The following LAMB4 variants were observed in gnomAD, a reference collection of about 807,000 sequenced individuals.
LAMB4 encodes laminin subunit beta-4.
A neutral mutation model predicts 199.2 loss-of-function variants in LAMB4; 196 were observed. That is an observed-to-expected ratio of 0.98 (90% CI 0.88 to 1.11). LAMB4 has a LOEUF of 1.11. Ranked by LOEUF, LAMB4 falls within the 50% of genes least tolerant of loss-of-function variation. The probability of loss-of-function intolerance (pLI) is 0.00; values close to 1 mark genes in which losing one functional copy is unlikely to be tolerated. For missense variants in LAMB4, 2,080 were observed against 2,171.2 expected, an observed-to-expected ratio of 0.96 and a Z score of 0.83; for synonymous variants, 744 against 770.6, an observed-to-expected ratio of 0.97 and a Z score of 0.57.
chr7:108,073,662 G>A (rs866361814), intron 17 of LAMB4, among the ~76,000 whole-genome samples: 1 of 152,182 alleles, frequency 6.6e-6, no homozygotes. Context: ...AAAGGGCTGC[G>A]TCCCAAGCAG....
chr7:108,055,741 C>G lies in LAMB4; in HGVS notation c.3646G>C (p.Asp1216His). 6.2e-7 allele frequency: 1 copy of G among 1,614,210 alleles called. No homozygotes were observed. Among genetic ancestry groups the G allele is most frequent in the East Asian group, 2.2e-5 (1 of 44,890 alleles). Residue 1216 changes from aspartate to histidine, a missense_variant, in exon 25 of 34, where the codon GAC becomes CAC. Asp to His is a moderately conservative substitution (Grantham distance 81). Coordinates refer to ENST00000388781, the MANE Select transcript of LAMB4 (RefSeq NM_007356.3). ...ACGTTCCCTCTGAGGTCTTTGAAGT[C>G]TGCCTCACAGACAGGCAGGGTCTCT... ...KRETLPVCEADFKDLRGNVSE... is the reference protein window; with the variant it reads ...KRETLPVCEAHFKDLRGNVSE...
chr7:108,100,405 A>T (rs1377040999), intron 10 of LAMB4, among the ~76,000 whole-genome samples: 1 of 152,226 alleles, frequency 6.6e-6, no homozygotes, highest in Non-Finnish European at 1.5e-5. Flanking sequence ...ATTCTAATCA[A>T]TCTTCAAATA....
downstream of LAMB4, among the ~76,000 whole-genome samples, chr7:108,022,069 T>A (rs1353516207): frequency 1.3e-5 from 2 of 152,170 alleles, no homozygotes; most frequent in Admixed American, 1.3e-4. Context: ...GAGGACAGCA[T>A]TGGCCTCCTA....
intron 24 of LAMB4, among the ~76,000 whole-genome samples, chr7:108,056,881 G>T (rs915679983): frequency 1.3e-5 from 2 of 150,148 alleles, no homozygotes; most frequent in Non-Finnish European, 2.9e-5. Context: ...GAGGTGGGAG[G>T]ATCACCTGAG....
chr7:108,024,583 G>A (rs948201611), intron 33 of LAMB4, among the ~76,000 whole-genome samples: 2 of 152,104 alleles, frequency 1.3e-5, no homozygotes, highest in African/African-American at 4.8e-5. Context: ...TGACTTTCAT[G>A]TGTTGATTCC....
At chr7:108,104,349 A>T in intron 9 of LAMB4, 150 bp downstream of exon 9, 1 of 805,998 alleles carries the variant, frequency 1.2e-6, no homozygotes, top group South Asian at 2.0e-5. Flanking sequence ...ATGTGGGATA[A>T]TTGGGAACAC....
intron 2 of LAMB4, 119 bp downstream of exon 2, chr7:108,123,012 A>T: frequency 1.2e-6 from 1 of 813,676 alleles, no homozygotes; most frequent in Non-Finnish European, 1.9e-6. Flanking sequence ...ACAACAACAG[A>T]ATAGCTACAT....
intron 14 of LAMB4, among the ~76,000 whole-genome samples, chr7:108,080,977 C>T (rs756541504): frequency 6.6e-6 from 1 of 152,038 alleles, no homozygotes; most frequent in Non-Finnish European, 1.5e-5. Flanking sequence ...CAAAAATTAT[C>T]TGGGAGTGGT....
chr7:108,070,026 A>T (rs547476467), intron 17 of LAMB4, 141 bp from the exon 18 acceptor site: 1 of 462,912 alleles, frequency 2.2e-6, no homozygotes, highest in East Asian at 3.4e-5. Flanking sequence ...AAGACTGAAG[A>T]CTTTAAAGAT....
intron 19 of LAMB4, 79 bp downstream of exon 19, chr7:108,067,936 AC>A: frequency 1.9e-6 from 3 of 1,553,708 alleles, no homozygotes; most frequent in Non-Finnish European, 2.7e-6. Context: ...TCCCATTAAA[AC>A]CCCCCTCCAT....
At chr7:108,126,628 A>G (rs1476753699) in intron 1 of LAMB4, among the ~76,000 whole-genome samples, 3 of 118,458 alleles carry the variant, frequency 2.5e-5, no homozygotes, top group East Asian at 2.8e-4. Flanking sequence ...GCAGTGGCGC[A>G]ATCTCGGCTC....
At chr7:108,084,873 A>C (rs750643315) in intron 14 of LAMB4, among the ~76,000 whole-genome samples, 161 of 134,320 alleles carry the variant, frequency 1.2e-3, no homozygotes, top group Non-Finnish European at 2.2e-3. Flanking sequence ...CCTACTGAGT[A>C]GTTGGGACCA....
At chr7:108,016,068 T>C in the LAMB4 span, among the ~76,000 whole-genome samples, 1 of 152,134 alleles carries the variant, frequency 6.6e-6, no homozygotes, top group Non-Finnish European at 1.5e-5. Context: ...TGATGGTCCA[T>C]TTAATACAGC....
intron 24 of LAMB4, 95 bp downstream of exon 24, chr7:108,057,736 CA>C: frequency 6.7e-6 from 5 of 746,760 alleles, no homozygotes; most frequent in Non-Finnish European, 1.1e-5. Flanking sequence ...TTAAAAGCAC[CA>C]AAAAAAGAAA....
chr7:108,111,969 T>A lies in LAMB4; in HGVS notation c.193-23A>T, dbSNP rs1242068969. 4 of 1,576,178 alleles carry A rather than the reference T, an allele frequency of 2.5e-6. 1 individual carries two copies. The highest frequency in any genetic ancestry group is 2.4e-5 in the South Asian group (2 of 83,680). On this transcript the variant is annotated intron_variant, in intron 3 of 33. Coordinates refer to ENST00000388781, the MANE Select transcript of LAMB4 (RefSeq NM_007356.3). Reference sequence around the variant, plus strand: ...CCCCTGGAAAACACCATTATTAAAATTAAAAATAAAAATTGGAATTACATA... The same window carrying A: ...CCCCTGGAAAACACCATTATTAAAAATAAAAATAAAAATTGGAATTACATA...
chr7:108,043,545 G>GTTTTTTGTTTT (rs2035497909), intron 29 of LAMB4, among the ~76,000 whole-genome samples: 1 of 56,002 alleles, frequency 1.8e-5, no homozygotes, highest in Non-Finnish European at 2.9e-5. Flanking sequence ...TGGCTATGAT[G>GTTTTTTGTTTT]TTTTTTTTTT....
chr7:108,111,891 TGG>T lies in LAMB4; in HGVS notation c.246_247del (p.Asp82GlufsTer8). 1 of 1,612,532 alleles carries T rather than the reference TGG, an allele frequency of 6.2e-7. No individual in the cohort carries two copies. On this transcript the variant is annotated frameshift_variant, in exon 4 of 34. Coordinates refer to ENST00000388781, the MANE Select transcript of LAMB4 (RefSeq NM_007356.3). LOFTEE classifies it high-confidence loss of function. ...ATTCTCAATGGTGTGGCTGTTGGGT[TGG>T]TCATACGGATCATATGGAAATCTAG... is the stretch of plus-strand genomic sequence containing the variant.
chr7:108,049,252 G>T, intron 27 of LAMB4, 74 bp downstream of exon 27: 1 of 535,486 alleles, frequency 1.9e-6, no homozygotes, highest in East Asian at 3.2e-5. Flanking sequence ...GTAAGCTAGG[G>T]AAATATCATT....
At chr7:108,118,503 G>A (rs1378171688) in intron 2 of LAMB4, among the ~76,000 whole-genome samples, 4 of 152,066 alleles carry the variant, frequency 2.6e-5, no homozygotes, top group African/African-American at 9.7e-5. Context: ...GATTTTTGAG[G>A]TGCAAATGCA....
Sources: gnomAD v4.1 joint callset for allele counts (sites outside exome capture counted in the v4.1 genomes callset) on GRCh38, gnomAD v4.1.1 for gene constraint, MANE v1.5 for transcripts, NCBI Gene and HGNC (gene_info 2026-07-23, HGNC 2026-07-21) for gene names.